The following ITGA9 variants were observed in gnomAD, a reference collection of about 807,000 sequenced individuals.
The protein encoded by ITGA9 is integrin alpha-9.
A neutral mutation model predicts 127.8 loss-of-function variants in ITGA9; 56 were observed. That is an observed-to-expected ratio of 0.44 (90% CI 0.35 to 0.55). ITGA9 has a LOEUF of 0.55. Among genes scored for constraint, ITGA9 ranks in the 20% least tolerant of loss-of-function variants. ITGA9 has a pLI of 0.00. For synonymous variants in ITGA9, 508 were observed against 514.5 expected (o/e 0.99, Z 0.17); for missense variants, 1,196 against 1,347.1 (o/e 0.89, Z 1.76).
intron 25 of ITGA9, among the ~76,000 whole-genome samples, chr3:37,781,517 A>G (rs1387252462): frequency 5.9e-5 from 9 of 152,312 alleles, no homozygotes; most frequent in Middle Eastern, 6.8e-3. Flanking sequence ...TGAGTTTATC[A>G]CAGGTGGTTC....
chr3:37,659,494 T>A (rs1437948494), intron 17 of ITGA9, among the ~76,000 whole-genome samples: 1 of 151,974 alleles, frequency 6.6e-6, no homozygotes, highest in Non-Finnish European at 1.5e-5. Context: ...TGTGTATGCT[T>A]CATGAAGTTC....
chr3:37,653,405 A>ATTTCTGTCT lies in ITGA9; in HGVS notation c.1840-309_1840-308insTTTCTGTCT, dbSNP rs1700447166. Among the ~76,000 whole-genome samples the ATTTCTGTCT allele has an allele frequency of 3.3e-5, 5 of 152,310 alleles. No homozygotes were observed. In the East Asian group the frequency reaches 9.7e-4, roughly 29 times the overall value. On this transcript the variant is annotated intron_variant, in intron 16 of 27. Coordinates refer to ENST00000264741, the MANE Select transcript of ITGA9 (RefSeq NM_002207.3). ...CTGAAAGACAGTCTCACACAAGCAA[A>ATTTCTGTCT]GACTGAAAGGACATCCACCACCACG... is the stretch of plus-strand genomic sequence containing the variant.
At chr3:37,566,035 C>T (rs952416469) in intron 15 of ITGA9, among the ~76,000 whole-genome samples, 6 of 152,186 alleles carry the variant, frequency 3.9e-5, no homozygotes, top group Non-Finnish European at 7.3e-5. Context: ...GTGACCCTGG[C>T]TCCTATTGTC....
intron 15 of ITGA9, among the ~76,000 whole-genome samples, chr3:37,552,036 G>A (rs183799319): frequency 6.6e-6 from 1 of 152,364 alleles, no homozygotes; most frequent in Non-Finnish European, 1.5e-5. Flanking sequence ...TCGTGTTTGG[G>A]TGGGAATCAC....
At chr3:37,557,835 C>A (rs978868541) in intron 15 of ITGA9, among the ~76,000 whole-genome samples, 3 of 151,882 alleles carry the variant, frequency 2.0e-5, no homozygotes, top group Non-Finnish European at 2.9e-5. Flanking sequence ...CTCATTTTAC[C>A]ATTGAGGGAT....
At chr3:37,528,837 C>T (rs958064327) in intron 13 of ITGA9, among the ~76,000 whole-genome samples, 5 of 152,190 alleles carry the variant, frequency 3.3e-5, no homozygotes, top group Admixed American at 6.5e-5. Flanking sequence ...CCACTGCATA[C>T]GCTGTGTGAC....
intron 23 of ITGA9, among the ~76,000 whole-genome samples, chr3:37,755,891 C>T (rs955268982): frequency 2.7e-5 from 4 of 148,250 alleles, no homozygotes; most frequent in African/African-American, 9.9e-5. Flanking sequence ...TTAAGGGCAA[C>T]AAAAAACAAT....
At chr3:37,509,925 T>C (rs1024999090) in intron 8 of ITGA9, among the ~76,000 whole-genome samples, 2 of 152,120 alleles carry the variant, frequency 1.3e-5, no homozygotes, top group Non-Finnish European at 1.5e-5. Flanking sequence ...TTAGATCTTC[T>C]GCAGAAGATA....
At chr3:37,499,598 A>G (rs1169527863) in intron 5 of ITGA9, among the ~76,000 whole-genome samples, 1 of 152,186 alleles carries the variant, frequency 6.6e-6, no homozygotes, top group African/African-American at 2.4e-5. Context: ...GAACAGCACC[A>G]GAAAGGTCAC....
At chr3:37,686,075 C>T (rs937340998) in intron 18 of ITGA9, among the ~76,000 whole-genome samples, 2 of 152,094 alleles carry the variant, frequency 1.3e-5, no homozygotes, top group African/African-American at 4.8e-5. Flanking sequence ...AGATTAGTAC[C>T]AGTAAATGAT....
intron 27 of ITGA9, among the ~76,000 whole-genome samples, chr3:37,811,398 TTG>T (rs1697366836): frequency 6.6e-6 from 1 of 152,044 alleles, no homozygotes; most frequent in East Asian, 1.9e-4. Flanking sequence ...GATAACAACT[TTG>T]TGTGTGACTG....
intron 6 of ITGA9, among the ~76,000 whole-genome samples, chr3:37,504,822 T>C (rs1698824275): frequency 6.6e-6 from 1 of 152,132 alleles, no homozygotes; most frequent in Non-Finnish European, 1.5e-5. Context: ...TGAGGAAGAA[T>C]TGATCATGAT....
chr3:37,522,438 A>G (rs1313500638), intron 11 of ITGA9, among the ~76,000 whole-genome samples: 2 of 152,206 alleles, frequency 1.3e-5, no homozygotes, highest in African/African-American at 4.8e-5. Context: ...AATGATGAAT[A>G]AGAAGTGAGC....
At position 37,762,044 on chromosome 3, in the gene ITGA9, G is replaced by A. The variant is rs533650397; in HGVS notation, c.2541+11475G>A. Among the ~76,000 whole-genome samples the A allele has an allele frequency of 3.3e-5, 5 of 152,314 alleles. No homozygotes were observed. In the East Asian group the frequency reaches 9.7e-4, roughly 29 times the overall value. On this transcript the variant is annotated intron_variant, in intron 23 of 27. Transcript: ENST00000264741. ...CAGCCCTTGGGGCTGTGTTACCTAT[G>A]GGGTAACCACCTTTTATTTCTTTAC...
At chr3:37,542,112 C>CT (rs1161235904) in intron 14 of ITGA9, among the ~76,000 whole-genome samples, 2 of 152,098 alleles carry the variant, frequency 1.3e-5, no homozygotes, top group Non-Finnish European at 2.9e-5. Context: ...TTGGGTACAC[C>CT]TTGTTAATGG....
At chr3:37,637,961 C>T (rs1023286471) in intron 16 of ITGA9, among the ~76,000 whole-genome samples, 1 of 152,146 alleles carries the variant, frequency 6.6e-6, no homozygotes, top group Non-Finnish European at 1.5e-5. Flanking sequence ...GTGTGAGCCA[C>T]CGTGCCCGGC....
intron 25 of ITGA9, among the ~76,000 whole-genome samples, chr3:37,781,993 AC>A (rs781621006): frequency 4.6e-5 from 7 of 151,984 alleles, no homozygotes; most frequent in Admixed American, 1.3e-4. Context: ...CTCCCTTTGT[AC>A]CTCTCCCTTT....
chr3:37,776,003 A>G (rs914569271), intron 23 of ITGA9, among the ~76,000 whole-genome samples: 2 of 152,352 alleles, frequency 1.3e-5, no homozygotes, highest in African/African-American at 4.8e-5. Context: ...ATGCAGCCAT[A>G]AAAAAGAATG....
At chr3:37,764,466 T>TAAAAAAAAAAA (rs10694316) in intron 23 of ITGA9, among the ~76,000 whole-genome samples, 1 of 74,654 alleles carries the variant, frequency 1.3e-5, no homozygotes, top group African/African-American at 5.4e-5. Flanking sequence ...AGATTCTCAG[T>TAAAAAAAAAAA]AAAAAAAAAA....
Sources: gnomAD v4.1 joint callset for allele counts (sites outside exome capture counted in the v4.1 genomes callset) on GRCh38, gnomAD v4.1.1 for gene constraint, MANE v1.5 for transcripts, NCBI Gene and HGNC (gene_info 2026-07-23, HGNC 2026-07-21) for gene names.